Variants in SPRY4 observed in about 807,000 individuals in gnomAD.
The protein encoded by SPRY4 is protein sprouty homolog 4.
Under a neutral mutation model 17.0 loss-of-function variants are expected in SPRY4, and 7 were observed. That is an observed-to-expected ratio of 0.41 (90% CI 0.23 to 0.77). SPRY4 has a LOEUF of 0.77. Ranked by LOEUF, SPRY4 falls within the 30% of genes least tolerant of loss-of-function variation. The pLI is 0.32. For missense variants in SPRY4, 435 were observed against 419.9 expected (o/e 1.04, Z -0.31); for synonymous variants, 183 against 174.1 (o/e 1.05, Z -0.40).
Position 142,314,242 on chromosome 5 carries a change from A to G in SPRY4, c.867T>C (p.Asp289=). The G allele has an allele frequency of 6.2e-7, 1 of 1,611,620 alleles. No individual in the cohort carries two copies. The highest frequency in any genetic ancestry group is 8.5e-7 in the Non-Finnish European group (1 of 1,179,240). ...GCTTGTCGGGCCTGCTGGTCTTGGC[A>G]TCCCCGCTGGCTGCTTTGCAGATGA... The part of the protein sequence containing the change: ...NSVICKAASG[D]AKTSRPDKPF The change falls in exon 2 of 2, where the codon GAT becomes GAC. Residue 289 remains aspartate (D), a synonymous_variant. Coordinates refer to ENST00000434127, the MANE Select transcript of SPRY4 (RefSeq NM_001127496.3). The surrounding 1 kb of genome is among the most constrained non-coding windows in gnomAD (Gnocchi z 4.8).
Position 142,310,959 on chromosome 5 carries a change from T to C in SPRY4, c.*3250A>G, listed in dbSNP as rs6874376. The C allele has an allele frequency of 0.78, 118,902 of 152,106 alleles. 46,921 individuals carry two copies. The highest frequency in any genetic ancestry group is 0.93 in the East Asian group (4,789 of 5,176). 9.4% of individuals were successfully genotyped at this position (152,106 alleles called of 1,614,324 possible). ...GGGACAGCACAGAAGGAGAACAGGA[T>C]GCTTCAAGGTGACAGTCATCCGGGT... On this transcript the variant is annotated 3_prime_UTR_variant, in exon 2 of 2. Coordinates refer to ENST00000434127, the MANE Select transcript of SPRY4 (RefSeq NM_001127496.3).
In SPRY4 at chr5:142,314,326, G is replaced by C; in HGVS notation, c.783C>G (p.Ala261=). ...GGCGCAGACGGTCGTAGCCACGCTG[G>C]GCCAGCTTCACGCAGCCGGTGGCAG... The part of the protein sequence containing the change: ...YLPATGCVKL[A]QRGYDRLRRP... Residue 261 remains alanine, a synonymous_variant, in exon 2 of 2, where the codon GCC becomes GCG. Coordinates refer to ENST00000434127, the MANE Select transcript of SPRY4 (RefSeq NM_001127496.3). This position sits in a 1 kb window ranked among gnomAD's most constrained non-coding sequence, Gnocchi z 4.8. The C allele has an allele frequency of 6.2e-7, 1 of 1,614,038 alleles. No homozygotes were observed. Among genetic ancestry groups the C allele is most frequent in the Non-Finnish European group, 8.5e-7 (1 of 1,179,982 alleles).
rs549716483 is a variant in SPRY4, at chr5:142,319,625, T to C, written c.-47-4470A>G. Reference sequence around the variant, plus strand: ...AGGGAGGGAGCCAGGGCACAGAGAGTCCTAGAATACTGAATCAGCAGGATA... The same window carrying C: ...AGGGAGGGAGCCAGGGCACAGAGAGCCCTAGAATACTGAATCAGCAGGATA... On this transcript the variant is annotated intron_variant, in intron 1 of 1. Coordinates refer to ENST00000434127, the MANE Select transcript of SPRY4 (RefSeq NM_001127496.3). The C allele has an allele frequency of 6.4e-5, 88 of 1,372,214 alleles. No homozygotes were observed. In the African/African-American group the frequency reaches 1.2e-3, roughly 19 times the overall value. The allele number at this position is 1,372,214 out of a possible 1,614,324, so 85.0% of individuals were successfully genotyped here. A position where few individuals can be genotyped will look rare whatever the true frequency, so the allele number is the denominator to read the frequency against.
intron 1 of SPRY4, among the ~76,000 whole-genome samples, chr5:142,322,118 C>A (rs969927454): frequency 2.0e-5 from 3 of 152,170 alleles, no homozygotes; most frequent in Non-Finnish European, 4.4e-5. Flanking sequence ...TGGGTGGGTG[C>A]GAACTGGGCA....
chr5:142,316,602 T>A (rs1052537545), intron 1 of SPRY4, among the ~76,000 whole-genome samples: 8 of 152,082 alleles, frequency 5.3e-5, no homozygotes, highest in Non-Finnish European at 8.8e-5. Context: ...TGGGGTGGGG[T>A]TTTAGTAAAT....
intron 1 of SPRY4, among the ~76,000 whole-genome samples, chr5:142,320,736 G>C (rs1759318580): frequency 6.6e-6 from 1 of 152,244 alleles, no homozygotes; most frequent in African/African-American, 2.4e-5. Flanking sequence ...TAGACTCCTA[G>C]GGCAGGGCTT....
intron 1 of SPRY4, among the ~76,000 whole-genome samples, chr5:142,320,710 G>A (rs1255148789): frequency 6.6e-6 from 1 of 152,030 alleles, no homozygotes; most frequent in Non-Finnish European, 1.5e-5. Context: ...TCCAGGTCTG[G>A]GTGGGACCAG....
At chr5:142,315,253 C>T (rs1394261085) in intron 1 of SPRY4, 98 bp from the exon 2 acceptor site, 3 of 736,250 alleles carry the variant, frequency 4.1e-6, no homozygotes, top group Non-Finnish European at 2.2e-6. Flanking sequence ...TGGGAGCCGC[C>T]CAATTGACAT....
chr5:142,324,631 G>A (rs929953887), intron 1 of SPRY4, among the ~76,000 whole-genome samples: 11 of 152,196 alleles, frequency 7.2e-5, no homozygotes, highest in African/African-American at 1.2e-4. Flanking sequence ...AAACGGCGGT[G>A]CCAGGCTGTG....
In SPRY4 at chr5:142,322,779, A is replaced by G. The variant is rs539620917; in HGVS notation, c.-48+2065T>C. Among the ~76,000 whole-genome samples, 4 of 152,332 alleles carry G rather than the reference A, an allele frequency of 2.6e-5. No homozygotes were observed. The South Asian group carries it at 8.3e-4, about 32-fold the overall frequency. On this transcript the variant is annotated intron_variant, in intron 1 of 1. Coordinates refer to ENST00000434127, the MANE Select transcript of SPRY4 (RefSeq NM_001127496.3). ...ATATTTGTCCATGAAGATTTCAGAA[A>G]TCTGCTACTAAAATCCCCACCCTAC...
At chr5:142,318,183 G>T in intron 1 of SPRY4, 7 of 984,352 alleles carry the variant, frequency 7.1e-6, no homozygotes, top group Non-Finnish European at 8.4e-6. Flanking sequence ...AAAAAAGAAA[G>T]AAAAAAAGAA....
intron 1 of SPRY4, among the ~76,000 whole-genome samples, chr5:142,322,911 G>C (rs952361493): frequency 6.6e-6 from 1 of 152,180 alleles, no homozygotes; most frequent in Non-Finnish European, 1.5e-5. Context: ...AGATGGGAAA[G>C]AGGAAATGTG....
intron 1 of SPRY4, among the ~76,000 whole-genome samples, chr5:142,322,483 A>ATATATATATAT (rs1554100328): frequency 3.1e-4 from 36 of 117,540 alleles, no homozygotes; most frequent in African/African-American, 8.6e-4. Flanking sequence ...AAAAAAAAAA[A>ATATATATATAT]ATATATATAT....
intron 1 of SPRY4, chr5:142,319,850 TCCCA>T: frequency 2.0e-6 from 3 of 1,535,380 alleles, no homozygotes; most frequent in Admixed American, 1.8e-5. Context: ...GGATGCCTAA[TCCCA>T]CCCACCCACA....
intron 1 of SPRY4, among the ~76,000 whole-genome samples, chr5:142,319,558 G>A (rs1001649910): frequency 2.0e-5 from 3 of 152,166 alleles, no homozygotes; most frequent in Non-Finnish European, 2.9e-5. Context: ...GGGTCCCTAG[G>A]GTACCTTCAT....
At chr5:142,316,723 C>A (rs920648572) in intron 1 of SPRY4, among the ~76,000 whole-genome samples, 1 of 152,130 alleles carries the variant, frequency 6.6e-6, no homozygotes, top group Non-Finnish European at 1.5e-5. Flanking sequence ...AAATAAAAAG[C>A]TAGCTCTAGA....
intron 1 of SPRY4, chr5:142,317,787 G>A (rs1303766190): frequency 7.1e-6 from 7 of 985,180 alleles, no homozygotes; most frequent in Admixed American, 6.2e-5. Context: ...GGGAGCAGCC[G>A]CTGCAGGCAA....
Position 142,313,116 on chromosome 5 carries a change from CTTCTT to C in SPRY4, c.*1088_*1092del. On this transcript the variant is annotated 3_prime_UTR_variant, in exon 2 of 2. Coordinates refer to ENST00000434127, the MANE Select transcript of SPRY4 (RefSeq NM_001127496.3). ...TCTGCCAATGGGAGGTGCTGCCTCT[CTTCTT>C]TGCTGTTAAAATCCTCTTGTTGATA... The C allele has an allele frequency of 6.5e-6, 1 of 152,708 alleles. No individual in the cohort carries two copies. Among genetic ancestry groups the C allele is most frequent in the East Asian group, 1.9e-4 (1 of 5,188 alleles). 9.5% of individuals were successfully genotyped at this position (152,708 alleles called of 1,614,324 possible).
At chr5:142,320,507 C>T (rs1397955543) in intron 1 of SPRY4, among the ~76,000 whole-genome samples, 2 of 152,168 alleles carry the variant, frequency 1.3e-5, no homozygotes, top group Non-Finnish European at 1.5e-5. Flanking sequence ...CCCCAGCACA[C>T]GGAAGGGTGG....
Sources: allele counts gnomAD v4.1 joint callset (sites outside exome capture counted in the v4.1 genomes callset), GRCh38; gene constraint gnomAD v4.1.1; non-coding constraint Gnocchi (gnomAD v3.1); transcripts MANE v1.5; gene names NCBI Gene and HGNC (gene_info 2026-07-23, HGNC 2026-07-21).